Variants in MGAT4D observed in about 807,000 individuals in gnomAD.
MGAT4D encodes the protein alpha-1,3-mannosyl-glycoprotein 4-beta-N-acetylglucosaminyltransferase-like protein MGAT4D.
A neutral mutation model predicts 15.9 loss-of-function variants in MGAT4D; 34 were observed. The ratio of observed to expected loss-of-function variants is 2.14; its 90% CI spans 1.62 to 2.84. The LOEUF (loss-of-function observed/expected upper bound fraction) is 2.84, where lower values mean the gene tolerates loss of function less well. Among genes scored for constraint, MGAT4D ranks in the 30% most tolerant of loss-of-function variants. The probability of loss-of-function intolerance (pLI) is 0.00; values close to 1 mark genes in which losing one functional copy is unlikely to be tolerated. For synonymous variants in MGAT4D, 112 were observed against 48.2 expected (o/e 2.33, Z -5.49); for missense variants, 327 against 140.2 (o/e 2.33, Z -6.73).
chr4:140,459,458 T>G (rs1443001888), intron 8 of MGAT4D, 54 bp downstream of exon 8: 2 of 396,622 alleles, frequency 5.0e-6, no homozygotes, highest in African/African-American at 4.1e-5. Flanking sequence ...TTAAAATGTT[T>G]TAAATTATTG....
At chr4:140,484,612 G>A (rs999630808) in intron 1 of MGAT4D, among the ~76,000 whole-genome samples, 1 of 152,092 alleles carries the variant, frequency 6.6e-6, no homozygotes, top group African/African-American at 2.4e-5. Flanking sequence ...GAGCGAACAG[G>A]CAACCTACAG....
At chr4:140,446,919 G>C (rs1730174096) in intron 10 of MGAT4D, among the ~76,000 whole-genome samples, 2 of 151,714 alleles carry the variant, frequency 1.3e-5, no homozygotes, top group Non-Finnish European at 2.9e-5. Flanking sequence ...GTCCTCATTA[G>C]TTTCAAAGAA....
At chr4:140,446,470 CA>C (rs1387255046) in intron 10 of MGAT4D, among the ~76,000 whole-genome samples, 1 of 152,042 alleles carries the variant, frequency 6.6e-6, no homozygotes, top group East Asian at 1.9e-4. Flanking sequence ...GTGTTCATAA[CA>C]GTCTCTTATG....
intron 10 of MGAT4D, among the ~76,000 whole-genome samples, chr4:140,450,398 A>G: frequency 6.6e-6 from 1 of 152,224 alleles, no homozygotes; most frequent in East Asian, 1.9e-4. Flanking sequence ...TCTGCATCAC[A>G]TCTACAGCTA....
intron 5 of MGAT4D, among the ~76,000 whole-genome samples, chr4:140,465,560 G>C (rs1731479499): frequency 6.6e-6 from 1 of 152,138 alleles, no homozygotes; most frequent in Admixed American, 6.6e-5. Context: ...CATAAAATAT[G>C]ATCACAAAAA....
rs1578620593 is a variant in MGAT4D, at chr4:140,443,013, C to G, written c.*423G>C. 1 of 152,444 alleles carries G rather than the reference C, an allele frequency of 6.6e-6. No homozygotes were observed. The highest frequency in any genetic ancestry group is 1.9e-4 in the East Asian group (1 of 5,192). 9.4% of individuals were successfully genotyped at this position (152,444 alleles called of 1,614,324 possible). A position where few individuals can be genotyped will look rare whatever the true frequency, so the allele number is the denominator to read the frequency against. On this transcript the variant is annotated 3_prime_UTR_variant, in exon 11 of 11. Transcript: ENST00000511113. ...AGAAGACATTGTGGCACTGTCAGATCCAGGCTTGTTTAAATTTGTGCTTTC... is the reference window on the plus strand; with the variant it reads ...AGAAGACATTGTGGCACTGTCAGATGCAGGCTTGTTTAAATTTGTGCTTTC...
chr4:140,443,786 A>T (rs1180491455), intron 10 of MGAT4D, among the ~76,000 whole-genome samples: 2 of 152,112 alleles, frequency 1.3e-5, no homozygotes, highest in African/African-American at 4.8e-5. Context: ...ATTTTATTTG[A>T]TTTTTATAAC....
At chr4:140,461,186 A>T (rs1731148329) in intron 7 of MGAT4D, among the ~76,000 whole-genome samples, 1 of 152,198 alleles carries the variant, frequency 6.6e-6, no homozygotes, top group Non-Finnish European at 1.5e-5. Flanking sequence ...TGGTGTTTCA[A>T]ATTGGGAAGA....
At chr4:140,452,370 AAC>A (rs1487502748) in intron 9 of MGAT4D, among the ~76,000 whole-genome samples, 1 of 152,156 alleles carries the variant, frequency 6.6e-6, no homozygotes, top group Non-Finnish European at 1.5e-5. Context: ...AGGAAATATT[AAC>A]AGTTTCTCTT....
intron 10 of MGAT4D, among the ~76,000 whole-genome samples, chr4:140,447,468 T>C (rs1174213957): frequency 6.6e-6 from 1 of 152,200 alleles, no homozygotes; most frequent in Non-Finnish European, 1.5e-5. Context: ...ATCCCTTCTT[T>C]GTCTTTTTTG....
intron 6 of MGAT4D, among the ~76,000 whole-genome samples, chr4:140,464,147 A>G (rs1731374249): frequency 6.6e-6 from 1 of 152,244 alleles, no homozygotes; most frequent in Admixed American, 6.5e-5. Flanking sequence ...AAACGCTTAA[A>G]AGATTCCTAG....
chr4:140,445,104 C>T (rs996291501), intron 10 of MGAT4D, among the ~76,000 whole-genome samples: 18 of 152,106 alleles, frequency 1.2e-4, no homozygotes, highest in African/African-American at 3.6e-4. Context: ...AGGCTGGTCT[C>T]GAACTCCTGA....
At chr4:140,475,238 T>C (rs953520535) in intron 3 of MGAT4D, among the ~76,000 whole-genome samples, 1 of 152,208 alleles carries the variant, frequency 6.6e-6, no homozygotes, top group Non-Finnish European at 1.5e-5. Flanking sequence ...TTCCACTTAC[T>C]ATAGGTTCAT....
chr4:140,482,042 T>C (rs1254468879), intron 2 of MGAT4D, among the ~76,000 whole-genome samples: 1 of 152,104 alleles, frequency 6.6e-6, no homozygotes, highest in African/African-American at 2.4e-5. Flanking sequence ...ATGCAAGAGG[T>C]AGAGCGAGGG....
intron 1 of MGAT4D, among the ~76,000 whole-genome samples, 179 bp from the exon 2 acceptor site, chr4:140,482,664 G>T (rs930687176): frequency 6.6e-6 from 1 of 151,672 alleles, no homozygotes; most frequent in Non-Finnish European, 1.5e-5. Context: ...GTGTAAATAC[G>T]TGCATAGGTA....
intron 5 of MGAT4D, among the ~76,000 whole-genome samples, chr4:140,467,404 T>C (rs1485265647): frequency 6.6e-6 from 1 of 152,126 alleles, no homozygotes; most frequent in Admixed American, 6.5e-5. Flanking sequence ...AGTTGCAGCA[T>C]ACACAATCAT....
chr4:140,447,162 T>G (rs187759315), intron 10 of MGAT4D, among the ~76,000 whole-genome samples: 75 of 152,182 alleles, frequency 4.9e-4, no homozygotes, highest in African/African-American at 1.6e-3. Context: ...TGCCATGTGG[T>G]TATGAGAAGA....
intron 5 of MGAT4D, among the ~76,000 whole-genome samples, chr4:140,470,321 T>A (rs1731840722): frequency 6.6e-6 from 1 of 152,196 alleles, no homozygotes; most frequent in Non-Finnish European, 1.5e-5. Context: ...ACGGTGATTC[T>A]CCAATTTCAT....
intron 5 of MGAT4D, 142 bp from the exon 6 acceptor site, chr4:140,465,151 T>C (rs1731448536): frequency 1.9e-6 from 1 of 515,650 alleles, no homozygotes; most frequent in African/African-American, 1.9e-5. Flanking sequence ...GATACCAGCA[T>C]CATAAAACTA....
Sources: allele counts gnomAD v4.1 joint callset (sites outside exome capture counted in the v4.1 genomes callset), GRCh38; gene constraint gnomAD v4.1.1; transcripts MANE v1.5; gene names NCBI Gene and HGNC (gene_info 2026-07-23, HGNC 2026-07-21).